CCDC18: variants seen among roughly 807,000 people sequenced by gnomAD.
CCDC18 encodes coiled-coil domain containing 18.
CCDC18 carries 157 observed loss-of-function variants against 196.0 expected under a neutral mutation model. The ratio of observed to expected loss-of-function variants is 0.80; its 90% CI spans 0.70 to 0.91. The LOEUF is 0.91. Ranked by LOEUF, CCDC18 falls within the 40% of genes least tolerant of loss-of-function variation. CCDC18 has a pLI of 0.00. For missense variants in CCDC18, 1,465 were observed against 1,611.6 expected (o/e 0.91, Z 1.56); for synonymous variants, 482 against 529.2 (o/e 0.91, Z 1.22).
At chr1:93,252,019 G>A (rs61799499) in intron 23 of CCDC18, among the ~76,000 whole-genome samples, 14,614 of 150,288 alleles carry the variant, frequency 0.097, 952 homozygotes, top group East Asian at 0.28. Context: ...CTATCTGTCT[G>A]TCTATCTATC....
intron 22 of CCDC18, among the ~76,000 whole-genome samples, chr1:93,246,408 C>T (rs1348143446): frequency 6.6e-6 from 1 of 152,082 alleles, no homozygotes; most frequent in Admixed American, 6.6e-5. Flanking sequence ...TGAGGATTAG[C>T]TTAGTATCTG....
chr1:93,264,242 T>C (rs561592427), intron 26 of CCDC18, among the ~76,000 whole-genome samples: 1 of 152,210 alleles, frequency 6.6e-6, no homozygotes, highest in Admixed American at 6.5e-5. Flanking sequence ...TCCTTTGACA[T>C]ACAGGAATTA....
chr1:93,199,202 G>A (rs1653356775), intron 6 of CCDC18, among the ~76,000 whole-genome samples: 1 of 152,206 alleles, frequency 6.6e-6, no homozygotes, highest in Non-Finnish European at 1.5e-5. Flanking sequence ...GGCTGCGCTT[G>A]GCTCGTGCTA....
chr1:93,254,929 T>TTGAGGAGTCA (rs1199614315), intron 24 of CCDC18, among the ~76,000 whole-genome samples: 1 of 147,602 alleles, frequency 6.8e-6, no homozygotes, highest in Non-Finnish European at 1.5e-5. Context: ...TGTAATAGAA[T>TTGAGGAGTCA]TGAGGAGTCA....
At chr1:93,200,294 T>A (rs1653605112) in intron 6 of CCDC18, among the ~76,000 whole-genome samples, 1 of 150,182 alleles carries the variant, frequency 6.7e-6, no homozygotes. Flanking sequence ...TTTAGAGATG[T>A]TAAAAATGTG....
chr1:93,268,780 G>A (rs1664886489), intron 27 of CCDC18, among the ~76,000 whole-genome samples: 1 of 151,740 alleles, frequency 6.6e-6, no homozygotes, highest in Admixed American at 6.6e-5. Context: ...GAAACAACAG[G>A]TGCTGGAGAG....
intron 27 of CCDC18, among the ~76,000 whole-genome samples, chr1:93,266,921 A>G (rs1023105472): frequency 9.9e-5 from 15 of 152,166 alleles, no homozygotes; most frequent in Admixed American, 2.6e-4. Flanking sequence ...AGAAAAAGAG[A>G]GAATCCTCCC....
chr1:93,184,133 A>T lies in CCDC18; in HGVS notation c.290A>T (p.Lys97Met), dbSNP rs1437118716. The change falls in exon 3 of 29, where the codon AAG becomes ATG. Residue 97 changes from lysine to methionine, a missense_variant. Transcript: ENST00000690025. ...ISGSSTDFQK[K>M]PRDKMFSSSA... ...GGTAGCAGCACTGATTTTCAAAAAA[A>T]GCCAAGAGATAAGGTTATTGTTTTT... is the stretch of plus-strand genomic sequence containing the variant. The T allele has an allele frequency of 2.0e-6, 3 of 1,518,440 alleles. No individual in the cohort carries two copies. In the East Asian group the frequency reaches 7.1e-5, roughly 36 times the overall value. 94.1% of individuals were successfully genotyped at this position (1,518,440 alleles called of 1,614,324 possible). A position where few individuals can be genotyped will look rare whatever the true frequency, so the allele number is the denominator to read the frequency against.
chr1:93,223,090 T>A (rs138415671), intron 16 of CCDC18, among the ~76,000 whole-genome samples: 20 of 152,302 alleles, frequency 1.3e-4, no homozygotes, highest in African/African-American at 3.8e-4. Flanking sequence ...AAAAAATGAT[T>A]ACTGTACAGA....
chr1:93,277,209 C>T (rs1487797613), intron 28 of CCDC18, among the ~76,000 whole-genome samples: 446 of 30,264 alleles, frequency 0.015, 33 homozygotes, highest in African/African-American at 0.14. Flanking sequence ...AGCATACAAT[C>T]GGGTTTTATA....
chr1:93,239,993 GTCTTTGGCTCACTTTGGCTCA>G lies in CCDC18; in HGVS notation c.2981+100_2981+120del, dbSNP rs2100834933. The G allele has an allele frequency of 3.4e-6, 3 of 873,836 alleles. No individual in the cohort carries two copies. In the East Asian group the frequency reaches 8.0e-5, roughly 23 times the overall value. The allele number at this position is 873,836 out of a possible 1,614,324, so 54.1% of individuals were successfully genotyped here. ...TTCTAGACGTCTAAATTTCTCAACT[GTCTTTGGCTCACTTTGGCTCA>G]TCCCAGCCAGCCTATCCCATGCCTT... is the stretch of plus-strand genomic sequence containing the variant. On this transcript the variant is annotated intron_variant, in intron 21 of 28. Transcript: ENST00000690025.
chr1:93,258,913 A>C, intron 26 of CCDC18, 28 bp downstream of exon 26: 1 of 1,572,846 alleles, frequency 6.4e-7, no homozygotes, highest in Non-Finnish European at 8.6e-7. Context: ...TTGTTTTGTT[A>C]GTGCCCACTA....
At chr1:93,193,515 C>A in intron 5 of CCDC18, 101 bp from the exon 6 acceptor site, 1 of 705,274 alleles carries the variant, frequency 1.4e-6, no homozygotes, top group Non-Finnish European at 2.1e-6. Context: ...TTTCTCTTAA[C>A]TCATTGATTT....
chr1:93,239,329 G>A lies in CCDC18; in HGVS notation c.2623G>A (p.Asp875Asn). Residue 875 changes from aspartate to asparagine, a missense_variant, in exon 20 of 29, where the codon GAT (aspartate) becomes AAT (asparagine). Physicochemically the swap from Asp to Asn is conservative, Grantham distance 23. Coordinates refer to ENST00000690025, the MANE Select transcript of CCDC18 (RefSeq NM_001378204.1). The stretch of plus-strand genomic sequence containing the variant: ...AATTAGGCAAGTAAAGATTGAGATG[G>A]ATCAGTACAAAGAAGAGCTGTCTAA... The part of the protein sequence containing the change: ...GTARQVKIEM[D>N]QYKEELSKME... The A allele has an allele frequency of 6.2e-7, 1 of 1,603,276 alleles. No individual in the cohort carries two copies. The highest frequency in any genetic ancestry group is 8.5e-7 in the Non-Finnish European group (1 of 1,175,124).
intron 17 of CCDC18, among the ~76,000 whole-genome samples, chr1:93,229,223 C>T (rs1021920025): frequency 1.3e-5 from 2 of 152,178 alleles, no homozygotes; most frequent in Middle Eastern, 3.2e-3. Flanking sequence ...CATTTATTGC[C>T]GCTCAATCCT....
At chr1:93,236,194 A>G (rs1660050405) in intron 18 of CCDC18, 54 bp from the exon 19 acceptor site, 30 of 1,426,768 alleles carry the variant, frequency 2.1e-5, no homozygotes, top group Non-Finnish European at 2.9e-5. Flanking sequence ...TTACATATTT[A>G]TAAAAGTATT....
intron 28 of CCDC18, among the ~76,000 whole-genome samples, chr1:93,272,185 T>G (rs1224778027): frequency 6.6e-6 from 1 of 152,226 alleles, no homozygotes; most frequent in East Asian, 1.9e-4. Flanking sequence ...TTTGCTGGCT[T>G]AAGTATATGT....
At chr1:93,228,007 T>G (rs1658679074) in intron 17 of CCDC18, among the ~76,000 whole-genome samples, 1 of 148,228 alleles carries the variant, frequency 6.7e-6, no homozygotes, top group Non-Finnish European at 1.5e-5. Flanking sequence ...TATTTACATA[T>G]TAGTCAAGAT....
chr1:93,180,512 C>G (rs1011526773), upstream of CCDC18: 1,770 of 1,537,376 alleles, frequency 1.2e-3, 6 homozygotes, highest in Non-Finnish European at 8.5e-4. Context: ...GCCTCTCCCC[C>G]TGACGGCCTC....
Sources: gnomAD v4.1 joint callset for allele counts (sites outside exome capture counted in the v4.1 genomes callset) on GRCh38, gnomAD v4.1.1 for gene constraint, MANE v1.5 for transcripts, NCBI Gene and HGNC (gene_info 2026-07-23, HGNC 2026-07-21) for gene names.